PRLR: variants seen among roughly 807,000 people sequenced by gnomAD.
The protein encoded by PRLR is hPRL receptor.
PRLR carries 13 observed loss-of-function variants against 40.2 expected under a neutral mutation model. The ratio of observed to expected loss-of-function variants is 0.32; its 90% CI spans 0.21 to 0.51. The LOEUF (loss-of-function observed/expected upper bound fraction) is 0.51. Among genes scored for constraint, PRLR ranks in the 20% least tolerant of loss-of-function variants. The pLI is 0.97. For synonymous variants in PRLR, 269 were observed against 278.7 expected (o/e 0.97, Z 0.35); for missense variants, 656 against 747.3 (o/e 0.88, Z 1.42).
chr5:35,145,522 T>C (rs1774157722), intron 1 of PRLR, among the ~76,000 whole-genome samples: 1 of 152,216 alleles, frequency 6.6e-6, no homozygotes, highest in Admixed American at 6.5e-5. Context: ...TGGTATGCCA[T>C]ACATTAGAGG....
chr5:35,220,840 C>T (rs573886171), intron 1 of PRLR, among the ~76,000 whole-genome samples: 57 of 152,306 alleles, frequency 3.7e-4, no homozygotes, highest in Admixed American at 9.2e-4. Flanking sequence ...CTTCTGTCCC[C>T]CAGCCTCTTC....
At chr5:35,160,498 A>T (rs1257463141) in intron 1 of PRLR, among the ~76,000 whole-genome samples, 5 of 152,144 alleles carry the variant, frequency 3.3e-5, no homozygotes, top group African/African-American at 1.2e-4. Context: ...TTTAAATGAT[A>T]ATAGCCCCTC....
At chr5:35,106,040 C>G (rs1001003431) in intron 2 of PRLR, among the ~76,000 whole-genome samples, 1 of 152,246 alleles carries the variant, frequency 6.6e-6, no homozygotes, top group Non-Finnish European at 1.5e-5. Flanking sequence ...GGCAGAAACT[C>G]TGCAAGCCAG....
rs529981943 is a variant in PRLR at position 35,103,355 on chromosome 5, G to T, written c.-43-13692C>A. On this transcript the variant is annotated intron_variant, in intron 2 of 9. Coordinates refer to ENST00000618457, the MANE Select transcript of PRLR (RefSeq NM_000949.7). ...TACCACTAGTGCATATCAGCAAAGG[G>T]TACAGCTAACTCCCCGTTGGTTGCT... is the stretch of plus-strand genomic sequence containing the variant. Among the ~76,000 whole-genome samples the T allele has an allele frequency of 1.4e-4, 22 of 152,252 alleles. No homozygotes were observed. In the South Asian group the frequency reaches 4.4e-3, roughly 30 times the overall value.
rs539533284 is a variant in PRLR at position 35,173,862 on chromosome 5, T to C, written c.-105-55740A>G. The stretch of plus-strand genomic sequence containing the variant: ...ACTTTTTTTATTATACTTTAAGTTC[T>C]AGGGTACGTGTGCACAACGTGCATG... On this transcript the variant is annotated intron_variant, in intron 1 of 9. Coordinates refer to ENST00000618457, the MANE Select transcript of PRLR (RefSeq NM_000949.7). Among the ~76,000 whole-genome samples the C allele has an allele frequency of 4.6e-5, 7 of 152,322 alleles. 1 individual carries two copies. The highest frequency in any genetic ancestry group is 1.4e-4 in the African/African-American group (6 of 41,580).
chr5:35,217,128 T>C (rs1462305590), intron 1 of PRLR, among the ~76,000 whole-genome samples: 7 of 152,192 alleles, frequency 4.6e-5, no homozygotes, highest in East Asian at 1.9e-4. Context: ...TCCTTTTCTG[T>C]TGAGAAACTT....
chr5:35,200,183 T>C (rs1001837418), intron 1 of PRLR, among the ~76,000 whole-genome samples: 6 of 152,220 alleles, frequency 3.9e-5, no homozygotes, highest in Non-Finnish European at 7.3e-5. Context: ...CACAGACTTA[T>C]CTTGTGGTTT....
chr5:35,107,897 C>A (rs1049255888), intron 2 of PRLR, among the ~76,000 whole-genome samples: 10 of 152,112 alleles, frequency 6.6e-5, no homozygotes, highest in Non-Finnish European at 1.3e-4. Flanking sequence ...ATCCTGATAC[C>A]AAATCCTGGC....
rs1211706972 is a variant in PRLR, at chr5:35,060,747, G to A, written c.*4342C>T. 6.6e-6 allele frequency: 1 copy of A among 152,178 alleles called. No individual in the cohort carries two copies. Among genetic ancestry groups the A allele is most frequent in the Non-Finnish European group, 1.5e-5 (1 of 68,030 alleles). The allele number at this position is 152,178 out of a possible 1,614,324, so 9.4% of individuals were successfully genotyped here. A position where few individuals can be genotyped will look rare whatever the true frequency, so the allele number is the denominator to read the frequency against. On this transcript the variant is annotated 3_prime_UTR_variant, in exon 10 of 10. Transcript: ENST00000618457. Reference sequence around the variant, plus strand: ...AGAACACATGAGACTTTCGTCAATGGCACATCTACGTTAGCAATGCTTGGG... The same window carrying A: ...AGAACACATGAGACTTTCGTCAATGACACATCTACGTTAGCAATGCTTGGG...
chr5:35,203,501 T>C (rs1232721162), intron 1 of PRLR, among the ~76,000 whole-genome samples: 2 of 152,150 alleles, frequency 1.3e-5, no homozygotes, highest in African/African-American at 4.8e-5. Flanking sequence ...TTTGAAATCA[T>C]CACAGGAAGG....
intron 1 of PRLR, among the ~76,000 whole-genome samples, chr5:35,179,308 G>A (rs1775229851): frequency 6.6e-6 from 1 of 152,152 alleles, no homozygotes. Flanking sequence ...TGATTCATCT[G>A]TTCATCCCAT....
chr5:35,207,460 C>G (rs527271511), intron 1 of PRLR, among the ~76,000 whole-genome samples: 17 of 151,990 alleles, frequency 1.1e-4, no homozygotes, highest in South Asian at 8.4e-4. Flanking sequence ...TATGCAGGAC[C>G]TATATGAGTA....
At chr5:35,190,194 T>C (rs1018257591) in intron 1 of PRLR, among the ~76,000 whole-genome samples, 1 of 152,126 alleles carries the variant, frequency 6.6e-6, no homozygotes, top group African/African-American at 2.4e-5. Context: ...ACAATATAAT[T>C]ATCCCATTTT....
intron 2 of PRLR, among the ~76,000 whole-genome samples, chr5:35,094,386 T>A (rs1771406937): frequency 1.3e-5 from 2 of 152,210 alleles, no homozygotes; most frequent in Non-Finnish European, 2.9e-5. Flanking sequence ...TTTCATCTCA[T>A]TCATTTTCAT....
chr5:35,128,109 T>C (rs937822799), intron 1 of PRLR, among the ~76,000 whole-genome samples: 2 of 151,892 alleles, frequency 1.3e-5, no homozygotes, highest in African/African-American at 2.4e-5. Flanking sequence ...TTAAACAATA[T>C]TTTTAACTTT....
At chr5:35,104,873 G>C (rs577093641) in intron 2 of PRLR, among the ~76,000 whole-genome samples, 2 of 152,162 alleles carry the variant, frequency 1.3e-5, no homozygotes, top group Non-Finnish European at 2.9e-5. Context: ...AGAAAGTAGT[G>C]GTTCTCCCAC....
At chr5:35,102,002 GT>G (rs1167464471) in intron 2 of PRLR, among the ~76,000 whole-genome samples, 7 of 151,550 alleles carry the variant, frequency 4.6e-5, no homozygotes, top group Non-Finnish European at 8.8e-5. Context: ...TAATTTTTTT[GT>G]TTTTTTAGTA....
intron 1 of PRLR, among the ~76,000 whole-genome samples, chr5:35,185,255 G>A (rs1775396518): frequency 6.6e-6 from 1 of 152,200 alleles, no homozygotes; most frequent in Admixed American, 6.5e-5. Flanking sequence ...TATGTAGCCA[G>A]TAGATCAAGT....
intron 2 of PRLR, among the ~76,000 whole-genome samples, chr5:35,106,058 T>G (rs1265483672): frequency 6.6e-6 from 1 of 152,012 alleles, no homozygotes; most frequent in Non-Finnish European, 1.5e-5. Context: ...CAGAAGAGAG[T>G]GGGGGCCAAT....
Sources: gnomAD v4.1 joint callset for allele counts (sites outside exome capture counted in the v4.1 genomes callset) on GRCh38, gnomAD v4.1.1 for gene constraint, MANE v1.5 for transcripts, NCBI Gene and HGNC (gene_info 2026-07-23, HGNC 2026-07-21) for gene names.